The following NSMCE2 variants were observed in gnomAD, a reference collection of about 807,000 sequenced individuals.
The protein encoded by NSMCE2 is NSE2 SUMO ligase component of SMC5/6 complex.
Under a neutral mutation model 23.8 loss-of-function variants are expected in NSMCE2, and 24 were observed. The ratio of observed to expected loss-of-function variants is 1.01; its 90% CI spans 0.73 to 1.42. NSMCE2 has a LOEUF of 1.42. Among genes scored for constraint, NSMCE2 ranks in the 40% most tolerant of loss-of-function variants. NSMCE2 has a pLI of 0.00. For missense variants in NSMCE2, 284 were observed against 296.5 expected (o/e 0.96, Z 0.31); for synonymous variants, 92 against 94.1 (o/e 0.98, Z 0.13).
chr8:125,160,925 A>T (rs551826195), intron 4 of NSMCE2, among the ~76,000 whole-genome samples: 1 of 152,212 alleles, frequency 6.6e-6, no homozygotes, highest in South Asian at 2.1e-4. Context: ...GGGAGAGAAA[A>T]ATGTGTTGGA....
At chr8:125,160,720 C>T (rs1337125005) in intron 4 of NSMCE2, among the ~76,000 whole-genome samples, 1 of 152,162 alleles carries the variant, frequency 6.6e-6, no homozygotes, top group East Asian at 1.9e-4. Context: ...TAAACATTCA[C>T]AGTTTTTAAT....
At chr8:125,098,096 A>G (rs1818018902) in intron 1 of NSMCE2, among the ~76,000 whole-genome samples, 1 of 152,174 alleles carries the variant, frequency 6.6e-6, no homozygotes, top group Non-Finnish European at 1.5e-5. Flanking sequence ...CAAAATCTAC[A>G]TTACCTGGAA....
At chr8:125,309,986 G>A (rs1259053606) in intron 5 of NSMCE2, among the ~76,000 whole-genome samples, 2 of 152,198 alleles carry the variant, frequency 1.3e-5, no homozygotes, top group Non-Finnish European at 2.9e-5. Flanking sequence ...CATGTAAGCT[G>A]GCAGGCTGTT....
intron 5 of NSMCE2, among the ~76,000 whole-genome samples, chr8:125,352,806 G>A (rs1235283381): frequency 6.6e-6 from 1 of 152,192 alleles, no homozygotes; most frequent in African/African-American, 2.4e-5. Flanking sequence ...ATTGCCAGAT[G>A]TGACCTTTTG....
At chr8:125,145,057 A>G (rs975233209) in intron 3 of NSMCE2, among the ~76,000 whole-genome samples, 1 of 152,196 alleles carries the variant, frequency 6.6e-6, no homozygotes, top group Admixed American at 6.5e-5. Context: ...GTATTATGTA[A>G]ATATTAGAGC....
intron 5 of NSMCE2, among the ~76,000 whole-genome samples, chr8:125,332,117 G>A (rs926844046): frequency 6.6e-5 from 10 of 152,106 alleles, no homozygotes; most frequent in Admixed American, 4.6e-4. Context: ...ATCAAGAACA[G>A]GAGTTGTACT....
intron 4 of NSMCE2, among the ~76,000 whole-genome samples, chr8:125,155,170 A>T (rs1012270292): frequency 1.3e-5 from 2 of 152,234 alleles, no homozygotes; most frequent in African/African-American, 4.8e-5. Context: ...GGTGTGTGCT[A>T]CAAATTAAAA....
chr8:125,201,388 A>G (rs1372452286), intron 5 of NSMCE2, among the ~76,000 whole-genome samples: 1 of 152,132 alleles, frequency 6.6e-6, no homozygotes. Flanking sequence ...TGTTGATGCT[A>G]TTCCTTTCTG....
intron 4 of NSMCE2, among the ~76,000 whole-genome samples, chr8:125,170,096 A>G (rs1822103708): frequency 6.9e-6 from 1 of 144,812 alleles, no homozygotes; most frequent in Non-Finnish European, 1.5e-5. Flanking sequence ...TAGCATTTGT[A>G]GCTGTAACCT....
chr8:125,236,241 A>G lies in NSMCE2; in HGVS notation c.418+53985A>G, dbSNP rs150430345. Among the ~76,000 whole-genome samples the G allele has an allele frequency of 5.3e-5, 8 of 152,316 alleles. No individual in the cohort carries two copies. The East Asian group carries it at 1.5e-3, about 29-fold the overall frequency. ...AGGGTGCTCAGAAGTTTCTAGTTAT[A>G]GACCTGGTGGTAGCTGTACGGGATA... is the stretch of plus-strand genomic sequence containing the variant. On this transcript the variant is annotated intron_variant, in intron 5 of 7. Transcript: ENST00000287437.
In NSMCE2 at chr8:125,151,093, T is replaced by C. The variant is rs922715623; in HGVS notation, c.158-78T>C. ...AAATTATTTAGACCATTGACTGATGTAGATTGTATTGATGCAACTTTTTCC... is the reference window on the plus strand; with the variant it reads ...AAATTATTTAGACCATTGACTGATGCAGATTGTATTGATGCAACTTTTTCC... On this transcript the variant is annotated intron_variant, in intron 3 of 7. Transcript: ENST00000287437. 5 of 658,358 alleles carry C rather than the reference T, an allele frequency of 7.6e-6. No homozygotes were observed. The East Asian group carries it at 1.3e-4, about 18-fold the overall frequency. 40.8% of individuals were successfully genotyped at this position (658,358 alleles called of 1,614,324 possible). A position where few individuals can be genotyped will look rare whatever the true frequency, so the allele number is the denominator to read the frequency against.
chr8:125,325,323 A>G (rs568570604), intron 5 of NSMCE2, among the ~76,000 whole-genome samples: 16 of 52,392 alleles, frequency 3.1e-4, no homozygotes, highest in African/African-American at 5.3e-4. Flanking sequence ...AATAAAATAA[A>G]GTAAAATAAA....
intron 5 of NSMCE2, among the ~76,000 whole-genome samples, chr8:125,355,964 C>G (rs72722605): frequency 0.084 from 12,746 of 152,132 alleles, 667 homozygotes; most frequent in South Asian, 0.16. Flanking sequence ...AAAGTGCAGG[C>G]CAGGGATCTC....
rs186366271 is a variant in NSMCE2, at chr8:125,236,793, A to T, written c.418+54537A>T. Reference sequence around the variant, plus strand: ...TCTACCATGCTCTATACCACTTGGTACACTATCTTTCTTTTCTTTCTTTCT... The same window carrying T: ...TCTACCATGCTCTATACCACTTGGTTCACTATCTTTCTTTTCTTTCTTTCT... On this transcript the variant is annotated intron_variant, in intron 5 of 7. Transcript: ENST00000287437. Among the ~76,000 whole-genome samples the T allele has an allele frequency of 7.2e-5, 11 of 152,058 alleles. No homozygotes were observed. The East Asian group carries it at 2.1e-3, about 29-fold the overall frequency.
chr8:125,286,507 G>T (rs1182426256), intron 5 of NSMCE2, among the ~76,000 whole-genome samples: 1 of 151,638 alleles, frequency 6.6e-6, no homozygotes, highest in Admixed American at 6.6e-5. Context: ...GAGATGGGGT[G>T]TTGCCATGTT....
At chr8:125,164,191 A>G (rs1001393351) in intron 4 of NSMCE2, among the ~76,000 whole-genome samples, 4 of 152,194 alleles carry the variant, frequency 2.6e-5, no homozygotes, top group Non-Finnish European at 5.9e-5. Flanking sequence ...TCAGGTCCCC[A>G]ATCCCTTTAA....
intron 5 of NSMCE2, among the ~76,000 whole-genome samples, chr8:125,330,878 T>C (rs1179330891): frequency 6.6e-6 from 1 of 152,162 alleles, no homozygotes; most frequent in African/African-American, 2.4e-5. Context: ...ACAGCTCCTT[T>C]CAGTTTTAAT....
chr8:125,298,900 G>A (rs1033068205), intron 5 of NSMCE2, among the ~76,000 whole-genome samples: 6 of 152,146 alleles, frequency 3.9e-5, no homozygotes, highest in Non-Finnish European at 8.8e-5. Context: ...AGTTTGGGGT[G>A]ATATTAAAAT....
rs1039575347 is a variant in NSMCE2 at position 125,361,290 on chromosome 8, A to T, written c.626+3472A>T. On this transcript the variant is annotated intron_variant, in intron 7 of 7. Transcript: ENST00000287437. ...ACCATGTTGTCCAGGCTGGTCTCGAACTCCTGGCCTCAAGTGATCTGCCCA... is the reference window on the plus strand; with the variant it reads ...ACCATGTTGTCCAGGCTGGTCTCGATCTCCTGGCCTCAAGTGATCTGCCCA... 7.2e-5 allele frequency among the ~76,000 whole-genome samples: 11 copies of T among 151,830 alleles called. No individual in the cohort carries two copies. The South Asian group carries it at 2.3e-3, about 32-fold the overall frequency.
Sources: allele counts gnomAD v4.1 joint callset (sites outside exome capture counted in the v4.1 genomes callset), GRCh38; gene constraint gnomAD v4.1.1; transcripts MANE v1.5; gene names NCBI Gene and HGNC (gene_info 2026-07-23, HGNC 2026-07-21).